UBN2: variants seen among roughly 807,000 people sequenced by gnomAD.
UBN2 encodes ubinuclein-2.
UBN2 carries 35 observed loss-of-function variants against 120.2 expected under a neutral mutation model. The observed-to-expected ratio is 0.29, with a 90% CI of 0.22 to 0.39. The LOEUF (loss-of-function observed/expected upper bound fraction) is 0.39, where lower values mean the gene tolerates loss of function less well. Among genes scored for constraint, UBN2 ranks in the 10% least tolerant of loss-of-function variants. The probability of loss-of-function intolerance (pLI) is 1.00; values close to 1 mark genes in which losing one functional copy is unlikely to be tolerated. For missense variants in UBN2, 1,693 were observed against 1,663.2 expected (o/e 1.02, Z -0.31); for synonymous variants, 661 against 648.7 (o/e 1.02, Z -0.29).
chr7:139,260,835 A>G (rs907417717), intron 5 of UBN2, among the ~76,000 whole-genome samples: 1 of 152,148 alleles, frequency 6.6e-6, no homozygotes, highest in African/African-American at 2.4e-5. Flanking sequence ...TTATTCAGCT[A>G]ATATTTATTA....
At chr7:139,234,476 G>A (rs1796111736) in intron 1 of UBN2, among the ~76,000 whole-genome samples, 1 of 152,054 alleles carries the variant, frequency 6.6e-6, no homozygotes, top group Admixed American at 6.6e-5. Flanking sequence ...ATTTATGTTG[G>A]GAAAATAGGA....
the UBN2 span, among the ~76,000 whole-genome samples, chr7:139,326,166 G>C: frequency 6.6e-6 from 1 of 152,294 alleles, no homozygotes; most frequent in East Asian, 1.9e-4. Context: ...TGAGGCAGGA[G>C]AATCGCTTGA....
intron 12 of UBN2, among the ~76,000 whole-genome samples, chr7:139,277,976 A>G (rs998675610): frequency 6.6e-6 from 1 of 152,180 alleles, no homozygotes; most frequent in African/African-American, 2.4e-5. Flanking sequence ...AATGTGGTTT[A>G]TCTCTATTTC....
the UBN2 span, among the ~76,000 whole-genome samples, chr7:139,319,937 G>A: frequency 9.2e-5 from 14 of 151,628 alleles, no homozygotes; most frequent in African/African-American, 3.1e-4. Flanking sequence ...TTAGCTGAGT[G>A]TGGTGGCGGG....
chr7:139,269,829 C>T (rs1797211562), intron 8 of UBN2, among the ~76,000 whole-genome samples: 1 of 151,118 alleles, frequency 6.6e-6, no homozygotes, highest in South Asian at 2.1e-4. Context: ...CCTTTTGATA[C>T]GGGGTCTTGC....
chr7:139,261,455 C>T lies in UBN2; in HGVS notation c.1109C>T (p.Pro370Leu), dbSNP rs772309020. The T allele has an allele frequency of 1.2e-5, 19 of 1,614,048 alleles. No individual in the cohort carries two copies. The highest frequency in any genetic ancestry group is 1.0e-4 in the Admixed American group (6 of 60,000). ...GCTGCAGCACTGGGGAATGACGTCC[C>T]GGACTTAAATCTGAGCAGCGGTGAT... is the stretch of plus-strand genomic sequence containing the variant. Reference protein sequence around the residue: ...CAAAALGNDVPDLNLSSGDPD... With the variant: ...CAAAALGNDVLDLNLSSGDPD... The change falls in exon 6 of 18, where the codon CCG becomes CTG. Residue 370 changes from proline to leucine, a missense_variant. Around this residue, in one of 5 missense-constraint regions of UBN2, gnomAD observed 663 missense variants for 591.2 expected, o/e 1.12. Coordinates refer to ENST00000473989, the MANE Select transcript of UBN2 (RefSeq NM_173569.4).
At chr7:139,269,550 A>G (rs1478944889) in intron 8 of UBN2, 27 bp downstream of exon 8, 2 of 1,610,472 alleles carry the variant, frequency 1.2e-6, no homozygotes, top group Admixed American at 1.7e-5. Context: ...TAATATCTAC[A>G]TCTTGGGTTT....
At chr7:139,263,239 A>G (rs921151975) in intron 6 of UBN2, among the ~76,000 whole-genome samples, 1 of 152,228 alleles carries the variant, frequency 6.6e-6, no homozygotes, top group Non-Finnish European at 1.5e-5. Context: ...ATGTATATAT[A>G]TCAAATATGA....
In UBN2 at chr7:139,262,028, C is replaced by T. The variant is rs562981550; in HGVS notation, c.1395+287C>T. Among the ~76,000 whole-genome samples the T allele has an allele frequency of 2.6e-5, 4 of 151,040 alleles. No individual in the cohort carries two copies. The South Asian group carries it at 8.3e-4, about 31-fold the overall frequency. ...TCAATCTCCTGACCTTGTGATCCGC[C>T]TGCCTTGGCCTCCCAAAGTGCTGGG... On this transcript the variant is annotated intron_variant, in intron 6 of 17. Coordinates refer to ENST00000473989, the MANE Select transcript of UBN2 (RefSeq NM_173569.4).
At chr7:139,281,439 C>T (rs1015741955) in intron 13 of UBN2, among the ~76,000 whole-genome samples, 7 of 152,138 alleles carry the variant, frequency 4.6e-5, no homozygotes, top group Non-Finnish European at 8.8e-5. Flanking sequence ...AAGCTCTTAG[C>T]TTTCTAGGAC....
In UBN2 at chr7:139,299,134, G is replaced by A. The variant is rs1040215141; in HGVS notation, c.*1298G>A. 1.3e-5 allele frequency: 2 copies of A among 152,070 alleles called. No individual in the cohort carries two copies. Among genetic ancestry groups the A allele is most frequent in the African/African-American group, 4.8e-5 (2 of 41,398 alleles). 9.4% of individuals were successfully genotyped at this position (152,070 alleles called of 1,614,324 possible). A position where few individuals can be genotyped will look rare whatever the true frequency, so the allele number is the denominator to read the frequency against. ...TTATGCAAATAGCATATTCAACAAAGGATGTTAAGGGAAAAATTTATGGTT... is the reference window on the plus strand; with the variant it reads ...TTATGCAAATAGCATATTCAACAAAAGATGTTAAGGGAAAAATTTATGGTT... On this transcript the variant is annotated 3_prime_UTR_variant, in exon 18 of 18. Coordinates refer to ENST00000473989, the MANE Select transcript of UBN2 (RefSeq NM_173569.4).
At chr7:139,272,198 TAG>T (rs1443619964) in intron 8 of UBN2, 122 bp from the exon 9 acceptor site, 2 of 651,196 alleles carry the variant, frequency 3.1e-6, no homozygotes, top group East Asian at 2.8e-5. Context: ...TGTCCATATT[TAG>T]ATATGCTAAT....
rs1279242269 is a variant in UBN2 at position 139,302,685 on chromosome 7, A to G, written c.*4849A>G. 1 of 152,164 alleles carries G rather than the reference A, an allele frequency of 6.6e-6. No individual in the cohort carries two copies. The highest frequency in any genetic ancestry group is 1.5e-5 in the Non-Finnish European group (1 of 68,046). The allele number at this position is 152,164 out of a possible 1,614,324, so 9.4% of individuals were successfully genotyped here. The stretch of plus-strand genomic sequence containing the variant: ...GGGCGACAGAGCAAGACTCCGTCTC[A>G]AAAAAAGAAAATAAAAGTATAGAAA... On this transcript the variant is annotated 3_prime_UTR_variant, in exon 18 of 18. Coordinates refer to ENST00000473989, the MANE Select transcript of UBN2 (RefSeq NM_173569.4).
At chr7:139,273,473 A>G (rs1797349613) in intron 10 of UBN2, 63 bp downstream of exon 10, 2 of 1,139,586 alleles carry the variant, frequency 1.8e-6, no homozygotes, top group South Asian at 1.9e-5. Context: ...TCATTAAAAA[A>G]AAATCTATAA....
Position 139,254,753 on chromosome 7 carries a change from C to G in UBN2, c.663+2696C>G, listed in dbSNP as rs76470830. Among the ~76,000 whole-genome samples the G allele has an allele frequency of 7.8e-3, 1,183 of 152,328 alleles. 21 individuals carry two copies. Among genetic ancestry groups the G allele is most frequent in the African/African-American group, 0.027 (1,139 of 41,570 alleles). On this transcript the variant is annotated intron_variant, in intron 3 of 17. Coordinates refer to ENST00000473989, the MANE Select transcript of UBN2 (RefSeq NM_173569.4). ...TAAATGGGCATCACATGTACTCACA[C>G]TTACATAAATAGCTTTTTTAAATTA...
intron 17 of UBN2, among the ~76,000 whole-genome samples, chr7:139,296,733 G>T (rs562464290): frequency 6.6e-6 from 1 of 152,290 alleles, no homozygotes; most frequent in South Asian, 2.1e-4. Flanking sequence ...TGTAAAAATA[G>T]AAATTATTTT....
At chr7:139,294,752 A>G (rs972949004) in intron 17 of UBN2, among the ~76,000 whole-genome samples, 6 of 152,022 alleles carry the variant, frequency 3.9e-5, no homozygotes, top group African/African-American at 1.4e-4. Flanking sequence ...GGGGCAGAAG[A>G]TTTGCTTGAA....
intron 12 of UBN2, among the ~76,000 whole-genome samples, chr7:139,278,553 G>A (rs1207145453): frequency 6.6e-6 from 1 of 151,096 alleles, no homozygotes; most frequent in African/African-American, 2.4e-5. Context: ...GTTTTGTTTT[G>A]TACCAGAAAG....
At chr7:139,314,437 C>T in the UBN2 span, among the ~76,000 whole-genome samples, 2 of 151,506 alleles carry the variant, frequency 1.3e-5, no homozygotes, top group Non-Finnish European at 2.9e-5. Flanking sequence ...CCAGCCTGGG[C>T]GACAAAGAGA....
Sources: allele counts gnomAD v4.1 joint callset (sites outside exome capture counted in the v4.1 genomes callset), GRCh38; gene constraint gnomAD v4.1.1; regional missense constraint gnomAD v4.1.1; transcripts MANE v1.5; gene names NCBI Gene and HGNC (gene_info 2026-07-23, HGNC 2026-07-21).